FOCAD: variants seen among roughly 807,000 people sequenced by gnomAD.
FOCAD encodes the protein KIAA1797.
FOCAD carries 198 observed loss-of-function variants against 225.6 expected under a neutral mutation model. The ratio of observed to expected loss-of-function variants is 0.88; its 90% confidence interval spans 0.78 to 0.99. FOCAD has a LOEUF of 0.99. Among genes scored for constraint, FOCAD ranks in the 50% least tolerant of loss-of-function variants. The probability of loss-of-function intolerance (pLI) is 0.00; values close to 1 mark genes in which losing one functional copy is unlikely to be tolerated. For synonymous variants in FOCAD, 897 were observed against 755.0 expected (o/e 1.19, Z -3.08); for missense variants, 2,713 against 2,123.6 (o/e 1.28, Z -5.46).
intron 5 of FOCAD, among the ~76,000 whole-genome samples, chr9:20,754,432 G>T (rs1026291802): frequency 6.6e-6 from 1 of 151,922 alleles, no homozygotes; most frequent in African/African-American, 2.4e-5. Context: ...AGTGTGTTCT[G>T]TTACTCTTGT....
chr9:20,982,638 T>C (rs1317390646), intron 39 of FOCAD, among the ~76,000 whole-genome samples, 192 bp downstream of exon 39: 1 of 152,168 alleles, frequency 6.6e-6, no homozygotes, highest in African/African-American at 2.4e-5. Context: ...TAACAAATGT[T>C]GTATGGATGG....
chr9:20,906,252 C>A (rs1382854373), intron 21 of FOCAD, among the ~76,000 whole-genome samples: 1 of 152,066 alleles, frequency 6.6e-6, no homozygotes, highest in South Asian at 2.1e-4. Flanking sequence ...TCTTATAATA[C>A]AATAAAATGT....
chr9:20,877,156 G>T (rs1455021637), intron 19 of FOCAD, among the ~76,000 whole-genome samples: 1 of 139,240 alleles, frequency 7.2e-6, no homozygotes, highest in Non-Finnish European at 1.6e-5. Context: ...ATTTTATAGG[G>T]TTTTCTCCCC....
At position 20,732,389 on chromosome 9, in the gene FOCAD, T is replaced by C. The variant is rs145127590; in HGVS notation, c.288-7847T>C. 2.3e-3 allele frequency among the ~76,000 whole-genome samples: 351 copies of C among 152,280 alleles called. 2 individuals are homozygous for C. The highest frequency in any genetic ancestry group is 8.3e-3 in the African/African-American group (343 of 41,546). ...TAGGCAAACAGGAGTTGGTAAAACT[T>C]TCCAGTTACAGGAAATAGTATGTGC... On this transcript the variant is annotated intron_variant, in intron 4 of 43. Transcript: ENST00000338382.
At chr9:20,963,846 A>AT (rs775608479) in intron 35 of FOCAD, among the ~76,000 whole-genome samples, 6 of 152,192 alleles carry the variant, frequency 3.9e-5, no homozygotes, top group Admixed American at 1.3e-4. Context: ...CTATCACAGC[A>AT]TTTTTTTATC....
intron 7 of FOCAD, among the ~76,000 whole-genome samples, chr9:20,767,159 A>AT (rs1830120374): frequency 6.7e-6 from 1 of 149,908 alleles, no homozygotes; most frequent in Non-Finnish European, 1.5e-5. Context: ...TGAACTCATC[A>AT]TTTTTTATGG....
chr9:20,839,208 A>G (rs1254455585), intron 15 of FOCAD, among the ~76,000 whole-genome samples: 2 of 150,744 alleles, frequency 1.3e-5, no homozygotes, highest in African/African-American at 4.9e-5. Context: ...GGATTGTTAT[A>G]AGGTTTATGT....
intron 28 of FOCAD, among the ~76,000 whole-genome samples, chr9:20,938,593 T>G (rs1440080183): frequency 8.3e-4 from 116 of 139,154 alleles, no homozygotes; most frequent in South Asian, 2.6e-3. Flanking sequence ...GTGGGGGGAG[T>G]GGGGAGGGAT....
intron 40 of FOCAD, among the ~76,000 whole-genome samples, chr9:20,987,102 A>G (rs1215762186): frequency 1.3e-5 from 2 of 152,176 alleles, no homozygotes; most frequent in East Asian, 3.8e-4. Context: ...CAGGCTCCTG[A>G]GGGGTAGATG....
At chr9:20,952,903 T>C (rs1837809573) in intron 34 of FOCAD, 82 bp from the exon 35 acceptor site, 1 of 1,070,848 alleles carries the variant, frequency 9.3e-7, no homozygotes, top group Admixed American at 1.8e-5. Flanking sequence ...TCTAGGTTGA[T>C]ATGGCAGCAT....
rs781372606 is a variant in FOCAD at position 20,781,939 on chromosome 9, C to G, written c.1197+10C>G. 1 of 1,611,062 alleles carries G rather than the reference C, an allele frequency of 6.2e-7. No homozygotes were observed. The highest frequency in any genetic ancestry group is 8.5e-7 in the Non-Finnish European group (1 of 1,177,632). ...AGATGACCACCAAAAGGTAATGAAT[C>G]TATCCTTGTTTCTCTTAAATAAAGT... On this transcript the variant is annotated intron_variant, in intron 10 of 43. Transcript: ENST00000338382.
At chr9:20,894,962 A>C (rs1831951481) in intron 21 of FOCAD, among the ~76,000 whole-genome samples, 1 of 152,046 alleles carries the variant, frequency 6.6e-6, no homozygotes, top group Non-Finnish European at 1.5e-5. Context: ...ACTGTGTTTT[A>C]CGTTGATATC....
intron 11 of FOCAD, among the ~76,000 whole-genome samples, chr9:20,809,813 C>A (rs1202304516): frequency 6.7e-6 from 1 of 148,684 alleles, no homozygotes; most frequent in Non-Finnish European, 1.5e-5. Context: ...GTAGATTTGG[C>A]CCTCACATAT....
At chr9:20,782,103 G>C (rs553642259) in intron 10 of FOCAD, among the ~76,000 whole-genome samples, 174 bp downstream of exon 10, 2 of 152,272 alleles carry the variant, frequency 1.3e-5, no homozygotes, top group African/African-American at 4.8e-5. Context: ...AGGGATAGTA[G>C]TCCTGTTGTG....
At chr9:20,784,436 G>T (rs1437813513) in intron 10 of FOCAD, among the ~76,000 whole-genome samples, 2 of 152,194 alleles carry the variant, frequency 1.3e-5, no homozygotes, top group African/African-American at 4.8e-5. Flanking sequence ...GAGCTGAGAG[G>T]TAACACATTG....
At chr9:20,840,516 A>G (rs375650747) in intron 15 of FOCAD, among the ~76,000 whole-genome samples, 17 of 149,438 alleles carry the variant, frequency 1.1e-4, no homozygotes, top group African/African-American at 3.4e-4. Context: ...TTTTATTATT[A>G]TAAGTATTTT....
intron 4 of FOCAD, among the ~76,000 whole-genome samples, chr9:20,734,982 G>C (rs1034717434): frequency 6.6e-6 from 1 of 152,082 alleles, no homozygotes; most frequent in Admixed American, 6.5e-5. Context: ...CAGAATTTAT[G>C]GGAAAAGGGG....
intron 21 of FOCAD, among the ~76,000 whole-genome samples, chr9:20,887,304 G>A (rs937297152): frequency 6.6e-6 from 1 of 151,186 alleles, no homozygotes; most frequent in East Asian, 1.9e-4. Context: ...GTGCAATCTC[G>A]GCTCACTGCA....
intron 11 of FOCAD, among the ~76,000 whole-genome samples, chr9:20,795,920 C>T (rs35871442): frequency 0.038 from 5,760 of 151,528 alleles, 146 homozygotes; most frequent in African/African-American, 0.071. Context: ...CCCAATAACG[C>T]GTCATTTAAC....
Sources: allele counts gnomAD v4.1 joint callset (sites outside exome capture counted in the v4.1 genomes callset), GRCh38; gene constraint gnomAD v4.1.1; transcripts MANE v1.5; gene names NCBI Gene and HGNC (gene_info 2026-07-23, HGNC 2026-07-21).